The following RTN1 variants were observed in gnomAD, a reference collection of about 807,000 sequenced individuals.
RTN1 encodes reticulon-1.
Under a neutral mutation model 65.5 loss-of-function variants are expected in RTN1, and 25 were observed. The observed-to-expected ratio is 0.38, with a 90% confidence interval of 0.28 to 0.53. The LOEUF is 0.53. RTN1 is among the 20% of genes least tolerant of loss of function. RTN1 has a pLI of 0.79. For synonymous variants in RTN1, 471 were observed against 447.6 expected (o/e 1.05, Z -0.66); for missense variants, 983 against 1,025.4 (o/e 0.96, Z 0.57).
At chr14:59,649,194 T>C (rs1010823100) in intron 3 of RTN1, among the ~76,000 whole-genome samples, 2 of 152,212 alleles carry the variant, frequency 1.3e-5, no homozygotes, top group African/African-American at 4.8e-5. Context: ...TTGGGAAAAC[T>C]GGCTAGCCAT....
chr14:59,607,198 T>A (rs2140163721), intron 4 of RTN1, 87 bp downstream of exon 4: 19 of 1,169,410 alleles, frequency 1.6e-5, no homozygotes, highest in Non-Finnish European at 2.4e-5. Context: ...CAGAGAAACA[T>A]GACTCAAGTG....
At chr14:59,750,246 T>TATAATATATATATTATAGAC (rs1566713454) in intron 1 of RTN1, among the ~76,000 whole-genome samples, 3 of 70,388 alleles carry the variant, frequency 4.3e-5, no homozygotes, top group African/African-American at 2.0e-4. Flanking sequence ...ATATTATATC[T>TATAATATATATATTATAGAC]ATAATATATA....
intron 3 of RTN1, among the ~76,000 whole-genome samples, chr14:59,638,441 CAGAGT>C (rs1003197616): frequency 2.6e-5 from 4 of 152,120 alleles, no homozygotes; most frequent in Admixed American, 2.0e-4. Flanking sequence ...TGAGCATAGA[CAGAGT>C]AGAGTAGATT....
intron 1 of RTN1, among the ~76,000 whole-genome samples, chr14:59,832,424 G>A (rs749803289): frequency 1.3e-5 from 2 of 152,116 alleles, no homozygotes; most frequent in Non-Finnish European, 2.9e-5. Flanking sequence ...CAGGGTGCAG[G>A]GGTGCCAGGG....
chr14:59,706,457 G>T (rs769653137), intron 3 of RTN1, among the ~76,000 whole-genome samples: 8 of 152,156 alleles, frequency 5.3e-5, no homozygotes, highest in Non-Finnish European at 1.2e-4. Flanking sequence ...CTGTTAATCT[G>T]TCTGTTGTCA....
chr14:59,799,092 A>G (rs998712443), intron 1 of RTN1, among the ~76,000 whole-genome samples: 5 of 152,244 alleles, frequency 3.3e-5, no homozygotes, highest in African/African-American at 1.2e-4. Context: ...AAACAAGTGT[A>G]GTATTATTTT....
At chr14:59,641,433 G>A (rs892766729) in intron 3 of RTN1, among the ~76,000 whole-genome samples, 3 of 151,974 alleles carry the variant, frequency 2.0e-5, no homozygotes, top group Admixed American at 6.6e-5. Flanking sequence ...GCAGTGGTGC[G>A]ATCTCAGCTC....
intron 3 of RTN1, among the ~76,000 whole-genome samples, chr14:59,655,759 C>T (rs78042531): frequency 3.9e-5 from 6 of 152,176 alleles, no homozygotes; most frequent in African/African-American, 7.2e-5. Context: ...AGTGTATTTT[C>T]AACAACAGTC....
At chr14:59,653,392 A>AT (rs1883058525) in intron 3 of RTN1, among the ~76,000 whole-genome samples, 1 of 151,572 alleles carries the variant, frequency 6.6e-6, no homozygotes, top group South Asian at 2.1e-4. Context: ...ACTTTCGAAA[A>AT]ATTCTAAAGA....
At chr14:59,748,882 C>A (rs904600342) in intron 1 of RTN1, among the ~76,000 whole-genome samples, 1 of 151,766 alleles carries the variant, frequency 6.6e-6, no homozygotes. Flanking sequence ...CTCTGCCTCC[C>A]AGGTTCAAGC....
At chr14:59,641,140 G>T (rs936689600) in intron 3 of RTN1, among the ~76,000 whole-genome samples, 2 of 151,920 alleles carry the variant, frequency 1.3e-5, no homozygotes, top group African/African-American at 2.4e-5. Flanking sequence ...TTTGGGGGGG[G>T]TATTTTTTGT....
intron 3 of RTN1, among the ~76,000 whole-genome samples, chr14:59,627,915 T>C (rs1020145621): frequency 6.6e-6 from 1 of 152,162 alleles, no homozygotes; most frequent in Non-Finnish European, 1.5e-5. Context: ...CTGGAGGACA[T>C]CATCAACAGT....
rs748442897 is a variant in RTN1, at chr14:59,870,424, C to A, written c.207G>T (p.Arg69=). The A allele has an allele frequency of 1.3e-6, 2 of 1,520,326 alleles. No individual in the cohort carries two copies. The highest frequency in any genetic ancestry group is 2.1e-5 in the Admixed American group (1 of 47,938). 94.2% of individuals were successfully genotyped at this position (1,520,326 alleles called of 1,614,324 possible). The change falls in exon 1 of 9, where the codon CGG becomes CGT. Residue 69 remains arginine (R), a synonymous_variant. Coordinates refer to ENST00000267484, the MANE Select transcript of RTN1 (RefSeq NM_021136.3). The surrounding 1 kb of genome is among the most constrained non-coding windows in gnomAD (Gnocchi z 5.1). Reference sequence around the variant, plus strand: ...CAGTTTCCATGGCAACGGGCGACTGCCGGGCGGGGCCCGAGCCGGCTTCCC... The same window carrying A: ...CAGTTTCCATGGCAACGGGCGACTGACGGGCGGGGCCCGAGCCGGCTTCCC... The part of the protein sequence containing the change: ...ASREAGSGPA[R]QSPVAMETAS...
intron 1 of RTN1, among the ~76,000 whole-genome samples, chr14:59,822,879 G>GTT (rs56360537): frequency 5.6e-5 from 8 of 142,968 alleles, no homozygotes; most frequent in African/African-American, 1.8e-4. Flanking sequence ...TATAATTTGG[G>GTT]TTTTTTTTTT....
intron 3 of RTN1, among the ~76,000 whole-genome samples, chr14:59,659,088 A>G (rs1265236805): frequency 6.6e-6 from 1 of 152,154 alleles, no homozygotes; most frequent in Admixed American, 6.5e-5. Flanking sequence ...CGTGAAGCAT[A>G]CACAAGTATC....
intron 1 of RTN1, among the ~76,000 whole-genome samples, chr14:59,843,079 A>T (rs1047525055): frequency 3.9e-5 from 6 of 152,238 alleles, no homozygotes; most frequent in African/African-American, 1.4e-4. Context: ...AAAGTCCCAA[A>T]TATCCACCAA....
rs1302013239 is a variant in RTN1 at position 59,816,654 on chromosome 14, C to T, written c.241+53736G>A. Among the ~76,000 whole-genome samples the T allele has an allele frequency of 2.6e-5, 4 of 152,142 alleles. No individual in the cohort carries two copies. The highest frequency in any genetic ancestry group is 5.9e-5 in the Non-Finnish European group (4 of 68,016). On this transcript the variant is annotated intron_variant, in intron 1 of 8. Transcript: ENST00000267484. This position sits in a 1 kb window ranked among gnomAD's most constrained non-coding sequence, Gnocchi z 4.3. ...CATGCTATAAAATACCCAGTACTAG[C>T]GGGGCACAGTGGCTCATGCCTGTAA...
intron 2 of RTN1, among the ~76,000 whole-genome samples, chr14:59,745,190 C>T (rs1344771616): frequency 6.6e-6 from 1 of 152,206 alleles, no homozygotes; most frequent in Admixed American, 6.5e-5. Context: ...AGAGTCCCCA[C>T]TAGCAAGCCA....
chr14:59,793,236 GT>G (rs985285974), intron 1 of RTN1, among the ~76,000 whole-genome samples: 1 of 152,092 alleles, frequency 6.6e-6, no homozygotes, highest in African/African-American at 2.4e-5. Flanking sequence ...ATTTTACTTT[GT>G]TCCAGACAAA....
Sources: allele counts gnomAD v4.1 joint callset (sites outside exome capture counted in the v4.1 genomes callset), GRCh38; gene constraint gnomAD v4.1.1; non-coding constraint Gnocchi (gnomAD v3.1); transcripts MANE v1.5; gene names NCBI Gene and HGNC (gene_info 2026-07-23, HGNC 2026-07-21).